The following ARHGAP29 variants were observed in gnomAD, a reference collection of about 807,000 sequenced individuals.
ARHGAP29 encodes rho GTPase-activating protein 29.
In ARHGAP29, 43 loss-of-function variants were observed where a neutral mutation model predicts 122.6. The observed-to-expected ratio is 0.35, with a 90% CI of 0.27 to 0.45. The LOEUF is 0.45. Among genes scored for constraint, ARHGAP29 ranks in the 20% least tolerant of loss-of-function variants. The probability of loss-of-function intolerance (pLI) is 1.00; values close to 1 mark genes in which losing one functional copy is unlikely to be tolerated. For synonymous variants in ARHGAP29, 506 were observed against 497.1 expected (o/e 1.02, Z -0.24); for missense variants, 1,303 against 1,477.2 (o/e 0.88, Z 1.93).
chr1:94,174,483 T>C lies in ARHGAP29; in HGVS notation c.3172A>G (p.Arg1058Gly). 4 of 1,614,234 alleles carry C rather than the reference T, an allele frequency of 2.5e-6. No individual in the cohort carries two copies. The highest frequency in any genetic ancestry group is 3.4e-6 in the Non-Finnish European group (4 of 1,180,040). ...CAAACAGTAGTAGCAGCGTCTTTTC[T>C]ATTAACTCCTTCAAAGGCAGGATTC... ...CKNPAFEGVNRKDAATTVCSK... is the reference protein window; with the variant it reads ...CKNPAFEGVNGKDAATTVCSK... Residue 1058 changes from arginine (R) to glycine (G), a missense_variant, in exon 23 of 23, where the codon AGA becomes GGA. Physicochemically the swap from Arg to Gly is moderately radical, Grantham distance 125. Transcript: ENST00000260526.
chr1:94,313,995 G>A, the ARHGAP29 span, among the ~76,000 whole-genome samples: 1 of 152,150 alleles, frequency 6.6e-6, no homozygotes, highest in Admixed American at 6.5e-5. Flanking sequence ...AGCTTGGGGA[G>A]GGATAGCATT....
intron 1 of ARHGAP29, among the ~76,000 whole-genome samples, chr1:94,259,705 G>A (rs1176310408): frequency 1.3e-5 from 2 of 152,158 alleles, no homozygotes; most frequent in African/African-American, 4.8e-5. Flanking sequence ...AGGCAGCATG[G>A]GCCTGCCTTG....
At chr1:94,267,333 G>A (rs569726847) in intron 1 of ARHGAP29, among the ~76,000 whole-genome samples, 10 of 152,174 alleles carry the variant, frequency 6.6e-5, no homozygotes, top group African/African-American at 9.7e-5. Context: ...AGTGTCACAA[G>A]TCTTGCATAT....
At chr1:94,310,825 G>C in the ARHGAP29 span, among the ~76,000 whole-genome samples, 1 of 152,148 alleles carries the variant, frequency 6.6e-6, no homozygotes, top group Non-Finnish European at 1.5e-5. Context: ...GCATGGGACA[G>C]GGCAGCCATC....
intron 4 of ARHGAP29, 132 bp downstream of exon 4, chr1:94,209,122 G>A: frequency 1.2e-6 from 1 of 808,258 alleles, no homozygotes; most frequent in South Asian, 1.7e-5. Flanking sequence ...CCATACAGAA[G>A]GTAGTTTTTC....
the ARHGAP29 span, among the ~76,000 whole-genome samples, chr1:94,304,558 A>G: frequency 9.8e-5 from 15 of 152,352 alleles, no homozygotes; most frequent in African/African-American, 3.6e-4. Flanking sequence ...ATTTGATAGC[A>G]ACACATAATG....
At chr1:94,176,474 GGTTA>G (rs1649100381) in intron 22 of ARHGAP29, 1 of 152,168 alleles carries the variant, frequency 6.6e-6, no homozygotes, top group Non-Finnish European at 1.5e-5. Flanking sequence ...TCTTTCAGAC[GGTTA>G]GTTATGGGTT....
chr1:94,176,530 A>G (rs912331103), intron 22 of ARHGAP29: 8 of 152,232 alleles, frequency 5.3e-5, no homozygotes, highest in African/African-American at 1.9e-4. Context: ...CAGAACTATT[A>G]TGAAGATCAA....
intron 1 of ARHGAP29, among the ~76,000 whole-genome samples, chr1:94,251,993 C>G (rs544259314): frequency 2.0e-5 from 3 of 151,888 alleles, no homozygotes; most frequent in Non-Finnish European, 4.4e-5. Context: ...TGTTTCCAGC[C>G]CCTGGAAAAG....
At chr1:94,231,340 T>C (rs909264243) in intron 2 of ARHGAP29, 67 bp downstream of exon 2, 1 of 1,359,338 alleles carries the variant, frequency 7.4e-7, no homozygotes, top group Non-Finnish European at 1.0e-6. Context: ...TACAAACTTA[T>C]CTGCTAGGCC....
chr1:94,209,391 T>A, intron 3 of ARHGAP29, 41 bp from the exon 4 acceptor site: 1 of 1,235,316 alleles, frequency 8.1e-7, no homozygotes, highest in Non-Finnish European at 1.2e-6. Flanking sequence ...AAACATACTT[T>A]AAACTAGATT....
rs1397112404 is a variant in ARHGAP29, at chr1:94,202,401, G to C, written c.1143+143C>G. On this transcript the variant is annotated intron_variant, in intron 11 of 22. Transcript: ENST00000260526. ...GCCTATTAAAAAATGTTGACCTACT[G>C]AATGAGAAACTCTGGGGGATGGGCT... is the stretch of plus-strand genomic sequence containing the variant. 22 of 943,666 alleles carry C rather than the reference G, an allele frequency of 2.3e-5. No homozygotes were observed. In the Admixed American group the frequency reaches 4.0e-4, roughly 17 times the overall value. 58.5% of individuals were successfully genotyped at this position (943,666 alleles called of 1,614,324 possible).
intron 3 of ARHGAP29, among the ~76,000 whole-genome samples, chr1:94,216,759 C>G (rs1651976373): frequency 6.6e-6 from 1 of 151,764 alleles, no homozygotes; most frequent in South Asian, 2.1e-4. Context: ...TAAGATTGAC[C>G]AAAATAACTG....
At chr1:94,296,480 G>GA in the ARHGAP29 span, among the ~76,000 whole-genome samples, 3 of 152,150 alleles carry the variant, frequency 2.0e-5, no homozygotes, top group Non-Finnish European at 4.4e-5. Context: ...GTACGCACAG[G>GA]AAAAACATAG....
the ARHGAP29 span, among the ~76,000 whole-genome samples, chr1:94,301,536 A>G: frequency 2.0e-5 from 3 of 152,156 alleles, no homozygotes; most frequent in South Asian, 2.1e-4. Context: ...TGTCACTGCA[A>G]TGGGGAGGGA....
At chr1:94,254,150 A>G (rs945108691) in intron 1 of ARHGAP29, among the ~76,000 whole-genome samples, 2 of 152,238 alleles carry the variant, frequency 1.3e-5, no homozygotes, top group Non-Finnish European at 2.9e-5. Flanking sequence ...ATTGGTATCT[A>G]GAAATGTCTA....
At position 94,201,742 on chromosome 1, in the gene ARHGAP29, T is replaced by C. The variant is rs1460391391; in HGVS notation, c.1259A>G (p.Gln420Arg). The C allele has an allele frequency of 2.5e-6, 4 of 1,613,878 alleles. No homozygotes were observed. The highest frequency in any genetic ancestry group is 3.4e-6 in the Non-Finnish European group (4 of 1,179,954). Residue 420 changes from glutamine (Q) to arginine (R), a missense_variant, in exon 12 of 23, where the codon CAG (glutamine) becomes CGG (arginine). Around this residue, in one of 3 missense-constraint regions of ARHGAP29, gnomAD observed 592 missense variants for 648.2 expected, o/e 0.91. Coordinates refer to ENST00000260526, the MANE Select transcript of ARHGAP29 (RefSeq NM_004815.4). ...TACAGCTTTAAGGGTAAGATCACAC[T>C]GGAAAACAAGTGTCCGGAGTTGTGC... ...ILAQLRTLVF[Q>R]CDLTLKAVTV...
intron 1 of ARHGAP29, among the ~76,000 whole-genome samples, chr1:94,259,817 A>C (rs569294195): frequency 1.6e-4 from 24 of 152,358 alleles, no homozygotes; most frequent in African/African-American, 5.3e-4. Context: ...ATGATAAAGA[A>C]AAAAATTTAA....
Position 94,170,992 on chromosome 1 carries a change from G to T in ARHGAP29, c.*2877C>A, listed in dbSNP as rs1482377353. The stretch of plus-strand genomic sequence containing the variant: ...ATTTGCTAACTCCTAGATGTTAACT[G>T]AATAGTCTACATATATAATCATATC... On this transcript the variant is annotated 3_prime_UTR_variant, in exon 23 of 23. Transcript: ENST00000260526. Among the ~76,000 whole-genome samples the T allele has an allele frequency of 1.3e-5, 2 of 152,094 alleles. No individual in the cohort carries two copies. The highest frequency in any genetic ancestry group is 2.9e-5 in the Non-Finnish European group (2 of 68,012).
Sources: gnomAD v4.1 joint callset for allele counts (sites outside exome capture counted in the v4.1 genomes callset) on GRCh38, gnomAD v4.1.1 for gene constraint, gnomAD v4.1.1 regional missense constraint, MANE v1.5 for transcripts, NCBI Gene and HGNC (gene_info 2026-07-23, HGNC 2026-07-21) for gene names.